The following KNTC1 variants were observed in gnomAD, a reference collection of about 807,000 sequenced individuals.
KNTC1 encodes the protein kinetochore associated 1.
KNTC1 carries 253 observed loss-of-function variants against 314.4 expected under a neutral mutation model. That is an observed-to-expected ratio of 0.80 (90% CI 0.73 to 0.89). KNTC1 has a LOEUF of 0.89. KNTC1 is among the 40% of genes least tolerant of loss of function. The pLI is 0.00. For synonymous variants in KNTC1, 901 were observed against 901.4 expected, an observed-to-expected ratio of 1.00 and a Z score of 0.01; for missense variants, 2,475 against 2,572.9, an observed-to-expected ratio of 0.96 and a Z score of 0.82.
intron 31 of KNTC1, among the ~76,000 whole-genome samples, chr12:122,578,992 C>T (rs1299041180): frequency 7.0e-6 from 1 of 143,274 alleles, no homozygotes; most frequent in Non-Finnish European, 1.5e-5. Context: ...GGCAGAACCT[C>T]AGCTCAAACT....
At chr12:122,599,985 C>T (rs1009565014) in intron 44 of KNTC1, among the ~76,000 whole-genome samples, 1 of 152,066 alleles carries the variant, frequency 6.6e-6, no homozygotes, top group Non-Finnish European at 1.5e-5. Flanking sequence ...CACCACTGCA[C>T]TCCAGCCTGG....
intron 49 of KNTC1, 84 bp downstream of exon 49, chr12:122,604,721 G>T: frequency 8.0e-7 from 1 of 1,243,080 alleles, no homozygotes; most frequent in Admixed American, 1.9e-5. Context: ...TGCTGCCCTG[G>T]TGCCTAAAAT....
At position 122,529,995 on chromosome 12, in the gene KNTC1, T is replaced by C. The variant is rs1961171162; in HGVS notation, c.-69T>C. 1 of 1,532,114 alleles carries C rather than the reference T, an allele frequency of 6.5e-7. No homozygotes were observed. The highest frequency in any genetic ancestry group is 1.4e-5 in the African/African-American group (1 of 72,902). 94.9% of individuals were successfully genotyped at this position (1,532,114 alleles called of 1,614,324 possible). A position where few individuals can be genotyped will look rare whatever the true frequency, so the allele number is the denominator to read the frequency against. On this transcript the variant is annotated 5_prime_UTR_variant, in exon 2 of 64. Transcript: ENST00000333479. ...AACCAGGTTCTATGCAACAAGATAA[T>C]ATGGTGTCTAATTTTATGTTGTTCA...
chr12:122,586,492 C>T (rs773478075), intron 37 of KNTC1, among the ~76,000 whole-genome samples: 3 of 152,224 alleles, frequency 2.0e-5, no homozygotes, highest in East Asian at 3.9e-4. Context: ...AGCATCAGTT[C>T]GCTTTAGAAC....
Position 122,542,995 on chromosome 12 carries a change from C to T in KNTC1, c.524-605C>T, listed in dbSNP as rs144890284. 2.0e-4 allele frequency among the ~76,000 whole-genome samples: 31 copies of T among 152,216 alleles called. No individual in the cohort carries two copies. The East Asian group carries it at 4.2e-3, about 21-fold the overall frequency. Reference sequence around the variant, plus strand: ...TGGTATGATATCGGCTCACTGCAACCTCCGCTTCCCAGGTTCAAGTGATTC... The same window carrying T: ...TGGTATGATATCGGCTCACTGCAACTTCCGCTTCCCAGGTTCAAGTGATTC... On this transcript the variant is annotated intron_variant, in intron 6 of 63. Transcript: ENST00000333479.
chr12:122,562,737 T>C (rs752473634), intron 20 of KNTC1, 38 bp downstream of exon 20: 42 of 1,278,018 alleles, frequency 3.3e-5, no homozygotes, highest in Non-Finnish European at 4.2e-5. Context: ...AGGCCAGGCA[T>C]GGTGTCTCAC....
At chr12:122,599,173 C>A (rs1340290251) in intron 44 of KNTC1, among the ~76,000 whole-genome samples, 1 of 151,534 alleles carries the variant, frequency 6.6e-6, no homozygotes, top group Non-Finnish European at 1.5e-5. Context: ...CACTATATTG[C>A]CCAGGTTGGC....
At chr12:122,578,815 G>A (rs1008461941) in intron 31 of KNTC1, among the ~76,000 whole-genome samples, 6 of 152,078 alleles carry the variant, frequency 3.9e-5, no homozygotes, top group Non-Finnish European at 8.8e-5. Flanking sequence ...TGAAGTTATT[G>A]TTGTTTTTAA....
At chr12:122,578,277 A>G (rs975470374) in intron 31 of KNTC1, among the ~76,000 whole-genome samples, 3 of 151,952 alleles carry the variant, frequency 2.0e-5, no homozygotes, top group Non-Finnish European at 2.9e-5. Flanking sequence ...TCTTTTTTTA[A>G]ATATTATATA....
intron 51 of KNTC1, among the ~76,000 whole-genome samples, chr12:122,607,628 C>T (rs959826033): frequency 6.6e-6 from 1 of 152,204 alleles, no homozygotes; most frequent in Middle Eastern, 3.4e-3. Flanking sequence ...AACTTGGTTA[C>T]GGTGTTGTCT....
In KNTC1 at chr12:122,621,931, G is replaced by A; in HGVS notation, c.6330G>A (p.Glu2110=). ...DPQVILKQLE[E]HMNTGQLAGF... ...AGGTTATTTTAAAGCAATTGGAAGA[G>A]CATATGAACACGGGCCAGCTAGCAG... Residue 2110 remains glutamate (E), a synonymous_variant, in exon 61 of 64, where the codon GAG becomes GAA. Transcript: ENST00000333479. 6.2e-7 allele frequency: 1 copy of A among 1,609,722 alleles called. No individual in the cohort carries two copies. The highest frequency in any genetic ancestry group is 8.5e-7 in the Non-Finnish European group (1 of 1,177,928).
In KNTC1 at chr12:122,584,378, G is replaced by A; in HGVS notation, c.3364G>A (p.Val1122Met). Residue 1122 changes from valine (V) to methionine (M), a missense_variant, in exon 35 of 64, where the codon GTG (valine) becomes ATG (methionine). By Grantham distance (21) the Val-to-Met change is conservative (BLOSUM62 1). Coordinates refer to ENST00000333479, the MANE Select transcript of KNTC1 (RefSeq NM_014708.6). ...GTTGGCTGATAATGTCCCAGTGACA[G>A]TGCCTGTGGGACTGAATCTTCCTTC... ...QMLADNVPVT[V>M]PVGLNLPSMI... is the part of the protein sequence containing the mutation. 1 of 1,613,566 alleles carries A rather than the reference G, an allele frequency of 6.2e-7. No individual in the cohort carries two copies. Among genetic ancestry groups the A allele is most frequent in the Non-Finnish European group, 8.5e-7 (1 of 1,179,546 alleles).
rs1054270070 is a variant in KNTC1, at chr12:122,530,296, C to T, written c.129+104C>T. 576 of 942,344 alleles carry T rather than the reference C, an allele frequency of 6.1e-4. 2 individuals are homozygous for T. The highest frequency in any genetic ancestry group is 8.6e-4 in the Non-Finnish European group (543 of 629,938). 58.4% of individuals were successfully genotyped at this position (942,344 alleles called of 1,614,324 possible). A position where few individuals can be genotyped will look rare whatever the true frequency, so the allele number is the denominator to read the frequency against. On this transcript the variant is annotated intron_variant, in intron 2 of 63. Coordinates refer to ENST00000333479, the MANE Select transcript of KNTC1 (RefSeq NM_014708.6). ...ATTTTGTGAATGAACATAGCACTTC[C>T]TCAGGGAATCAAGATTCAATCTCAG...
chr12:122,529,594 A>G (rs1223559485), intron 1 of KNTC1, among the ~76,000 whole-genome samples: 2 of 152,338 alleles, frequency 1.3e-5, no homozygotes, highest in Admixed American at 6.5e-5. Flanking sequence ...TTATCATCCT[A>G]TGATATCCCT....
At chr12:122,581,000 C>T (rs1965387041) in intron 33 of KNTC1, among the ~76,000 whole-genome samples, 1 of 148,722 alleles carries the variant, frequency 6.7e-6, no homozygotes, top group Admixed American at 6.7e-5. Flanking sequence ...TGGACTCCAG[C>T]CTGGGTGACA....
chr12:122,552,236 A>G (rs1215739110), intron 16 of KNTC1, among the ~76,000 whole-genome samples: 2 of 152,034 alleles, frequency 1.3e-5, no homozygotes, highest in African/African-American at 4.8e-5. Flanking sequence ...GGTGTTCCTG[A>G]CAGACCAGGG....
In KNTC1 at chr12:122,604,672, C is replaced by T. The variant is rs754853504; in HGVS notation, c.5175+35C>T. 12 of 1,428,430 alleles carry T rather than the reference C, an allele frequency of 8.4e-6. No individual in the cohort carries two copies. The South Asian group carries it at 1.3e-4, about 15-fold the overall frequency. 88.5% of individuals were successfully genotyped at this position (1,428,430 alleles called of 1,614,324 possible). ...AACTATCAGATTGGCGGCTTCTCTT[C>T]TTCCTAATTAAATTGTACTAGCTTA... On this transcript the variant is annotated intron_variant, in intron 49 of 63. Transcript: ENST00000333479.
chr12:122,551,062 A>T (rs1159256009), intron 13 of KNTC1, among the ~76,000 whole-genome samples: 1 of 152,120 alleles, frequency 6.6e-6, no homozygotes, highest in African/African-American at 2.4e-5. Flanking sequence ...CCCATTTATA[A>T]AGTGTTTTTC....
intron 54 of KNTC1, 163 bp from the exon 55 acceptor site, chr12:122,613,463 A>C (rs1873404666): frequency 4.4e-6 from 3 of 679,254 alleles, no homozygotes; most frequent in Non-Finnish European, 4.7e-6. Context: ...TATCTTGTTC[A>C]AATTGATTTC....
Sources: allele counts gnomAD v4.1 joint callset (sites outside exome capture counted in the v4.1 genomes callset), GRCh38; gene constraint gnomAD v4.1.1; transcripts MANE v1.5; gene names NCBI Gene and HGNC (gene_info 2026-07-23, HGNC 2026-07-21).